The following CFAP54 variants were observed in gnomAD, a reference collection of about 807,000 sequenced individuals.
CFAP54 encodes cilia and flagella associated protein 54, also known as cilia- and flagella-associated protein 54.
In CFAP54, 290 loss-of-function variants were observed where a neutral mutation model predicts 370.4. The ratio of observed to expected loss-of-function variants is 0.78; its 90% CI spans 0.71 to 0.86. CFAP54 has a LOEUF of 0.86. Ranked by LOEUF, CFAP54 falls within the 40% of genes least tolerant of loss-of-function variation. CFAP54 has a pLI of 0.00. For missense variants in CFAP54, 3,399 were observed against 3,528.7 expected, an observed-to-expected ratio of 0.96 and a Z score of 0.93; for synonymous variants, 1,206 against 1,236.5, an observed-to-expected ratio of 0.98 and a Z score of 0.52.
intron 67 of CFAP54, among the ~76,000 whole-genome samples, chr12:96,872,909 A>G (rs921464409): frequency 6.6e-6 from 1 of 152,214 alleles, no homozygotes; most frequent in East Asian, 1.9e-4. Context: ...ATGGCTGCCT[A>G]TCCTACAAAG....
At chr12:96,874,790 C>G (rs1175752503) in intron 67 of CFAP54, among the ~76,000 whole-genome samples, 3 of 151,600 alleles carry the variant, frequency 2.0e-5, no homozygotes, top group Non-Finnish European at 4.4e-5. Context: ...CCACTACGCC[C>G]GGCTAACTTT....
At chr12:96,784,948 A>G in intron 61 of CFAP54, 58 bp downstream of exon 61, 5 of 1,248,496 alleles carry the variant, frequency 4.0e-6, no homozygotes, top group Non-Finnish European at 5.3e-6. Context: ...CATTTAAGTC[A>G]TGTTTCTTGT....
intron 52 of CFAP54, 119 bp from the exon 53 acceptor site, chr12:96,743,283 T>C: frequency 1.0e-6 from 1 of 960,320 alleles, no homozygotes. Context: ...TCCATCTTAA[T>C]ATACTCCCCT....
In CFAP54 at chr12:96,765,095, G is replaced by A. The variant is rs1464606569; in HGVS notation, c.8158G>A (p.Ala2720Thr). 1.4e-6 allele frequency: 2 copies of A among 1,481,134 alleles called. No individual in the cohort carries two copies. The highest frequency in any genetic ancestry group is 1.8e-5 in the Admixed American group (1 of 56,190). 91.7% of individuals were successfully genotyped at this position (1,481,134 alleles called of 1,614,324 possible). The change falls in exon 60 of 68, where the codon GCA (alanine) becomes ACA (threonine). Residue 2720 changes from alanine (A) to threonine (T), a missense_variant. Ala to Thr is a moderately conservative substitution (Grantham distance 58). Around this residue, in one of 3 missense-constraint regions of CFAP54, gnomAD observed 2,796 missense variants for 2,869.7 expected, o/e 0.97. Transcript: ENST00000524981. ...ATTGTAGGTCAGTGAAGCTGTGCTG[G>A]CAATTAACTTACTTATTGGAAAGAA... is the stretch of plus-strand genomic sequence containing the variant. ...AAAQVSEAVL[A>T]INLLIGKKNT...
chr12:96,789,106 G>A (rs1024421836), intron 62 of CFAP54, among the ~76,000 whole-genome samples: 15 of 152,150 alleles, frequency 9.9e-5, no homozygotes, highest in African/African-American at 3.6e-4. Flanking sequence ...TTCCAATCTG[G>A]CCTCATATTA....
rs898367097 is a variant in CFAP54, at chr12:96,522,222, T to A, written c.1158+33T>A. 2.2e-6 allele frequency: 3 copies of A among 1,376,442 alleles called. No individual in the cohort carries two copies. The African/African-American group carries it at 4.4e-5, about 20-fold the overall frequency. The allele number at this position is 1,376,442 out of a possible 1,614,324, so 85.3% of individuals were successfully genotyped here. Reference sequence around the variant, plus strand: ...TAAACATGTCTTCTCTCTTTAAGACTCTTTTTGCAGTATATTTGTATTATG... The same window carrying A: ...TAAACATGTCTTCTCTCTTTAAGACACTTTTTGCAGTATATTTGTATTATG... On this transcript the variant is annotated intron_variant, in intron 8 of 67. Coordinates refer to ENST00000524981, the MANE Select transcript of CFAP54 (RefSeq NM_001306084.2).
rs187929211 is a variant in CFAP54, at chr12:96,643,353, C to T, written c.4317-825C>T. On this transcript the variant is annotated intron_variant, in intron 32 of 67. Coordinates refer to ENST00000524981, the MANE Select transcript of CFAP54 (RefSeq NM_001306084.2). Reference sequence around the variant, plus strand: ...TTTCCTCCTCTGTTTCAACATCTGCCTGCCTTCTTCCTATCCATCATTCTT... The same window carrying T: ...TTTCCTCCTCTGTTTCAACATCTGCTTGCCTTCTTCCTATCCATCATTCTT... 3.8e-4 allele frequency among the ~76,000 whole-genome samples: 58 copies of T among 150,864 alleles called. No individual in the cohort carries two copies. The East Asian group carries it at 9.3e-3, about 24-fold the overall frequency.
At position 96,860,817 on chromosome 12, in the gene CFAP54, A is replaced by G; in HGVS notation, c.9172-2A>G. On this transcript the variant is annotated splice_acceptor_variant, in intron 66 of 67. Coordinates refer to ENST00000524981, the MANE Select transcript of CFAP54 (RefSeq NM_001306084.2). LOFTEE classifies it high-confidence loss of function. ...CATGAACACTTTTATGTTTTTCCTCAGGTCCCATTTGATATCTCACTGCCG... is the reference window on the plus strand; with the variant it reads ...CATGAACACTTTTATGTTTTTCCTCGGGTCCCATTTGATATCTCACTGCCG... The G allele has an allele frequency of 6.6e-7, 1 of 1,526,138 alleles. No homozygotes were observed. Among genetic ancestry groups the G allele is most frequent in the Non-Finnish European group, 8.7e-7 (1 of 1,143,500 alleles). 94.5% of individuals were successfully genotyped at this position (1,526,138 alleles called of 1,614,324 possible). A position where few individuals can be genotyped will look rare whatever the true frequency, so the allele number is the denominator to read the frequency against.
At chr12:96,723,847 G>A (rs1299210544) in intron 50 of CFAP54, among the ~76,000 whole-genome samples, 1 of 98,532 alleles carries the variant, frequency 1.0e-5, no homozygotes, top group Non-Finnish European at 1.8e-5. Context: ...CCCCACAACA[G>A]TCCCCAGAGT....
intron 40 of CFAP54, among the ~76,000 whole-genome samples, chr12:96,681,094 C>G (rs1167700571): frequency 6.9e-6 from 1 of 144,004 alleles, no homozygotes; most frequent in Non-Finnish European, 1.5e-5. Flanking sequence ...TGAAACAGAA[C>G]AAAACAAAAC....
At chr12:96,802,676 C>G (rs1958833710) in intron 63 of CFAP54, among the ~76,000 whole-genome samples, 2 of 152,168 alleles carry the variant, frequency 1.3e-5, no homozygotes, top group Admixed American at 1.3e-4. Context: ...TTCTGGTATA[C>G]ATTTGCAGAA....
chr12:96,800,350 A>G (rs1209545250), intron 63 of CFAP54, among the ~76,000 whole-genome samples: 1 of 152,244 alleles, frequency 6.6e-6, no homozygotes, highest in Non-Finnish European at 1.5e-5. Context: ...AGAGATCAGA[A>G]GCAGAACACC....
In CFAP54 at chr12:96,507,097, A is replaced by G. The variant is rs1304144687; in HGVS notation, c.737A>G (p.Asn246Ser). Residue 246 changes from asparagine to serine, a missense_variant and splice_region_variant, in exon 4 of 68, where the codon AAT (asparagine) becomes AGT (serine). Physicochemically the swap from Asn to Ser is conservative, Grantham distance 46 (BLOSUM62 1). Coordinates refer to ENST00000524981, the MANE Select transcript of CFAP54 (RefSeq NM_001306084.2). Reference sequence around the variant, plus strand: ...GAGCATCTTTGCTGGATTATCTTCAATGGTATATGCTGATGTATTTTATTT... The same window carrying G: ...GAGCATCTTTGCTGGATTATCTTCAGTGGTATATGCTGATGTATTTTATTT... ...PQEHLCWIIF[N>S]GTIYIYTICR... 2.1e-5 allele frequency: 32 copies of G among 1,528,632 alleles called. No individual in the cohort carries two copies. In the Admixed American group the frequency reaches 2.3e-4, roughly 11 times the overall value. The allele number at this position is 1,528,632 out of a possible 1,614,324, so 94.7% of individuals were successfully genotyped here. A position where few individuals can be genotyped will look rare whatever the true frequency, so the allele number is the denominator to read the frequency against.
At chr12:96,797,528 T>C (rs1958778397) in intron 63 of CFAP54, among the ~76,000 whole-genome samples, 2 of 152,138 alleles carry the variant, frequency 1.3e-5, no homozygotes, top group Admixed American at 6.5e-5. Flanking sequence ...GCAATCAGAT[T>C]GATAGCTGTT....
chr12:96,682,234 G>A, intron 40 of CFAP54: 1 of 985,698 alleles, frequency 1.0e-6, no homozygotes, highest in South Asian at 4.7e-5. Context: ...AATACCCCCT[G>A]ACCTTTCTCA....
chr12:96,691,349 A>T, intron 44 of CFAP54, 39 bp downstream of exon 44: 1 of 1,458,744 alleles, frequency 6.9e-7, no homozygotes, highest in East Asian at 2.4e-5. Context: ...TATCACTGGG[A>T]TATTTTGCTC....
chr12:96,857,130 G>A (rs1959726104), intron 66 of CFAP54, among the ~76,000 whole-genome samples: 2 of 152,176 alleles, frequency 1.3e-5, no homozygotes, highest in Non-Finnish European at 2.9e-5. Context: ...ACAGCATGGA[G>A]GTAGCTGTCC....
chr12:96,630,770 G>A, intron 32 of CFAP54, 119 bp downstream of exon 32: 2 of 472,154 alleles, frequency 4.2e-6, no homozygotes, highest in Non-Finnish European at 7.2e-6. Context: ...TGCCTTCAAG[G>A]AACTTACATA....
chr12:96,774,192 T>G (rs1958491976), intron 60 of CFAP54, among the ~76,000 whole-genome samples: 1 of 152,088 alleles, frequency 6.6e-6, no homozygotes, highest in South Asian at 2.1e-4. Flanking sequence ...AGTCCTTTAT[T>G]ATGAAAATCA....
Sources: gnomAD v4.1 joint callset for allele counts (sites outside exome capture counted in the v4.1 genomes callset) on GRCh38, gnomAD v4.1.1 for gene constraint, gnomAD v4.1.1 regional missense constraint, MANE v1.5 for transcripts, NCBI Gene and HGNC (gene_info 2026-07-23, HGNC 2026-07-21) for gene names.